Variants in OSBPL5 observed in about 807,000 individuals in gnomAD.
OSBPL5 encodes oxysterol-binding protein-related protein 5.
Under a neutral mutation model 111.2 loss-of-function variants are expected in OSBPL5, and 71 were observed. The observed-to-expected ratio is 0.64, with a 90% CI of 0.53 to 0.78. The LOEUF (loss-of-function observed/expected upper bound fraction) is 0.78. Ranked by LOEUF, OSBPL5 falls within the 30% of genes least tolerant of loss-of-function variation. The pLI is 0.00. For missense variants in OSBPL5, 1,210 were observed against 1,189.3 expected (o/e 1.02, Z -0.26); for synonymous variants, 549 against 513.9 (o/e 1.07, Z -0.93).
Position 3,087,352 on chromosome 11 carries a change from C to T in OSBPL5, c.*853G>A, listed in dbSNP as rs146546967. 30 of 154,934 alleles carry T rather than the reference C, an allele frequency of 1.9e-4. No homozygotes were observed. The highest frequency in any genetic ancestry group is 1.0e-3 in the South Asian group (5 of 4,934). 9.6% of individuals were successfully genotyped at this position (154,934 alleles called of 1,614,324 possible). A position where few individuals can be genotyped will look rare whatever the true frequency, so the allele number is the denominator to read the frequency against. Reference sequence around the variant, plus strand: ...CACTGACACGGGGACTGAGGCCAGACGTGAAGGCTGACTGCAGCTCGCAGC... The same window carrying T: ...CACTGACACGGGGACTGAGGCCAGATGTGAAGGCTGACTGCAGCTCGCAGC... On this transcript the variant is annotated 3_prime_UTR_variant, in exon 22 of 22. Coordinates refer to ENST00000263650, the MANE Select transcript of OSBPL5 (RefSeq NM_020896.4).
At position 3,092,479 on chromosome 11, in the gene OSBPL5, C is replaced by T. The variant is rs751727731; in HGVS notation, c.2212G>A (p.Val738Met). The T allele has an allele frequency of 7.9e-5, 125 of 1,574,400 alleles. No individual in the cohort carries two copies. Among genetic ancestry groups the T allele is most frequent in the Non-Finnish European group, 9.3e-5 (108 of 1,160,508 alleles). ...CCCAGGAAGGTGGTCTGGCGGGCCA[C>T]GGCCTCCTGCTGCAAGGTCCGCAGG... The part of the protein sequence containing the change: ...GILRTLQQEA[V>M]ARQTTFLGSP... Residue 738 changes from valine to methionine, a missense_variant, in exon 19 of 22, where the codon GTG becomes ATG. Transcript: ENST00000263650. This position sits in a 1 kb window ranked among gnomAD's most constrained non-coding sequence, Gnocchi z 5.4.
At position 3,146,250 on chromosome 11, in the gene OSBPL5, A is replaced by C. The variant is rs1361910907; in HGVS notation, c.-21-17081T>G. On this transcript the variant is annotated intron_variant, in intron 1 of 21. Coordinates refer to ENST00000263650, the MANE Select transcript of OSBPL5 (RefSeq NM_020896.4). This position sits in a 1 kb window ranked among gnomAD's most constrained non-coding sequence, Gnocchi z 7.8. ...CCTTATGAGCTGCGCCCCCACCCCC[A>C]AACCCACCTCTGGGGAAGTCTGTTC... 6.6e-6 allele frequency: 1 copy of C among 151,770 alleles called. No individual in the cohort carries two copies. Among genetic ancestry groups the C allele is most frequent in the Non-Finnish European group, 1.5e-5 (1 of 67,986 alleles). The allele number at this position is 151,770 out of a possible 1,614,324, so 9.4% of individuals were successfully genotyped here. A position where few individuals can be genotyped will look rare whatever the true frequency, so the allele number is the denominator to read the frequency against.
intron 10 of OSBPL5, 113 bp from the exon 11 acceptor site, chr11:3,103,433 G>A: frequency 5.4e-6 from 5 of 919,494 alleles, no homozygotes; most frequent in Non-Finnish European, 8.2e-6. Flanking sequence ...GCTGGAAACA[G>A]GCCACTTGGC....
rs1857090291 is a variant in OSBPL5, at chr11:3,092,347, G to GGAGGA, written c.2259+80_2259+84dup. The GGAGGA allele has an allele frequency of 6.9e-7, 1 of 1,445,808 alleles. No homozygotes were observed. Among genetic ancestry groups the GGAGGA allele is most frequent in the Non-Finnish European group, 9.2e-7 (1 of 1,091,200 alleles). 89.6% of individuals were successfully genotyped at this position (1,445,808 alleles called of 1,614,324 possible). ...GTGAGGGAAACGGAGCGAGGGGAAG[G>GGAGGA]GAGGAGTGAGGTGAGGAGCGAGGGG... On this transcript the variant is annotated intron_variant, in intron 19 of 21. Coordinates refer to ENST00000263650, the MANE Select transcript of OSBPL5 (RefSeq NM_020896.4). This position sits in a 1 kb window ranked among gnomAD's most constrained non-coding sequence, Gnocchi z 5.4.
Position 3,092,460 on chromosome 11 carries a change from A to G in OSBPL5, c.2231T>C (p.Phe744Ser), listed in dbSNP as rs1295873900. 1 of 1,579,684 alleles carries G rather than the reference A, an allele frequency of 6.3e-7. No homozygotes were observed. Among genetic ancestry groups the G allele is most frequent in the African/African-American group, 1.3e-5 (1 of 74,080 alleles). ...GTGCCTGGGCCCTGGGCTGCCCAGG[A>G]AGGTGGTCTGGCGGGCCACGGCCTC... is the stretch of plus-strand genomic sequence containing the variant. ...QQEAVARQTT[F>S]LGSPGPRHER... Residue 744 changes from phenylalanine to serine, a missense_variant, in exon 19 of 22, where the codon TTC becomes TCC. Coordinates refer to ENST00000263650, the MANE Select transcript of OSBPL5 (RefSeq NM_020896.4). The surrounding 1 kb of genome is among the most constrained non-coding windows in gnomAD (Gnocchi z 5.4).
chr11:3,110,313 G>A lies in OSBPL5; in HGVS notation c.692-2368C>T, dbSNP rs1857874056. On this transcript the variant is annotated intron_variant, in intron 7 of 21. Coordinates refer to ENST00000263650, the MANE Select transcript of OSBPL5 (RefSeq NM_020896.4). The surrounding 1 kb of genome is among the most constrained non-coding windows in gnomAD (Gnocchi z 5.3). ...ACCCAGAGCAGCCACTGGAGGGCGAGGTGGGGTAGGGCCCCAACCTCAGGT... is the reference window on the plus strand; with the variant it reads ...ACCCAGAGCAGCCACTGGAGGGCGAAGTGGGGTAGGGCCCCAACCTCAGGT... 6.6e-6 allele frequency among the ~76,000 whole-genome samples: 1 copy of A among 152,228 alleles called. No individual in the cohort carries two copies. Among genetic ancestry groups the A allele is most frequent in the South Asian group, 2.1e-4 (1 of 4,834 alleles).
intron 14 of OSBPL5, among the ~76,000 whole-genome samples, chr11:3,095,643 T>C (rs1294688764): frequency 6.6e-6 from 1 of 152,152 alleles, no homozygotes; most frequent in Non-Finnish European, 1.5e-5. Context: ...TACGTGGCAA[T>C]AATGACCTTC....
At position 3,142,081 on chromosome 11, in the gene OSBPL5, A is replaced by AT; in HGVS notation, c.-21-12913dup. On this transcript the variant is annotated intron_variant, in intron 1 of 21. Coordinates refer to ENST00000263650, the MANE Select transcript of OSBPL5 (RefSeq NM_020896.4). This position sits in a 1 kb window ranked among gnomAD's most constrained non-coding sequence, Gnocchi z 7.1. ...GCACCTGCCACGATGACCGGCTAAA[A>AT]TTTTTTTGTATTTTTTCAGTAGAGA... Among the ~76,000 whole-genome samples the AT allele has an allele frequency of 6.6e-6, 1 of 152,122 alleles. No individual in the cohort carries two copies. The highest frequency in any genetic ancestry group is 1.5e-5 in the Non-Finnish European group (1 of 67,984).
Position 3,107,318 on chromosome 11 carries a change from GC to G in OSBPL5, c.1003del (p.Ala335ProfsTer36). 1 of 1,613,818 alleles carries G rather than the reference GC, an allele frequency of 6.2e-7. No individual in the cohort carries two copies. The highest frequency in any genetic ancestry group is 8.5e-7 in the Non-Finnish European group (1 of 1,179,956). ...SGSDQSETPG[A>X]PVRRGTTYVE... is the part of the protein sequence containing the mutation. ...ATAGGTGGTCCCTCTCCGCACCGGGGCCCCAGGGGTCTCTGACTGGTCGCTG... is the reference window on the plus strand; with the variant it reads ...ATAGGTGGTCCCTCTCCGCACCGGGGCCCAGGGGTCTCTGACTGGTCGCTG... On this transcript the variant is annotated frameshift_variant, in exon 9 of 22. Coordinates refer to ENST00000263650, the MANE Select transcript of OSBPL5 (RefSeq NM_020896.4). LOFTEE classifies it high-confidence loss of function. This position sits in a 1 kb window ranked among gnomAD's most constrained non-coding sequence, Gnocchi z 6.1.
intron 19 of OSBPL5, among the ~76,000 whole-genome samples, chr11:3,091,016 A>T (rs1342419630): frequency 6.6e-6 from 1 of 152,084 alleles, no homozygotes; most frequent in Non-Finnish European, 1.5e-5. Flanking sequence ...TGCAGAGATG[A>T]TGGCATGGGG....
In OSBPL5 at chr11:3,093,606, G is replaced by A. The variant is rs772048119; in HGVS notation, c.1867C>T (p.Pro623Ser). 3.1e-6 allele frequency: 5 copies of A among 1,612,922 alleles called. No homozygotes were observed. The Admixed American group carries it at 6.7e-5, about 21-fold the overall frequency. ...GSGSSALFWT[P>S]SGEVRRQRLR... ...CTCTGTCTGCGGACCTCCCCGCTCG[G>A]GGTCCAGAAAAGCGCACTGCTTCCG... Residue 623 changes from proline to serine, a missense_variant, in exon 17 of 22, where the codon CCG (proline) becomes TCG (serine). Pro to Ser is a moderately conservative substitution (Grantham distance 74). Coordinates refer to ENST00000263650, the MANE Select transcript of OSBPL5 (RefSeq NM_020896.4).
chr11:3,133,775 A>G (rs1001814853), intron 1 of OSBPL5, among the ~76,000 whole-genome samples: 8 of 152,128 alleles, frequency 5.3e-5, no homozygotes, highest in African/African-American at 1.4e-4. Flanking sequence ...GGGGCTTGGG[A>G]GGAAGGAGCC....
At chr11:3,111,706 G>A (rs1393716847) in intron 7 of OSBPL5, among the ~76,000 whole-genome samples, 1 of 151,512 alleles carries the variant, frequency 6.6e-6, no homozygotes, top group Admixed American at 6.6e-5. Context: ...TGGCGTGATG[G>A]GGGGAGAAAA....
intron 1 of OSBPL5, among the ~76,000 whole-genome samples, chr11:3,153,318 T>A (rs1279421076): frequency 1.3e-5 from 2 of 152,370 alleles, no homozygotes; most frequent in East Asian, 3.9e-4. Flanking sequence ...GCTGTTATAA[T>A]GACACAAGTC....
At chr11:3,122,833 G>A (rs927399941) in intron 3 of OSBPL5, among the ~76,000 whole-genome samples, 1 of 152,206 alleles carries the variant, frequency 6.6e-6, no homozygotes, top group Non-Finnish European at 1.5e-5. Context: ...AGCAGTCAGG[G>A]TGCCAGAGGG....
Position 3,093,057 on chromosome 11 carries a change from G to A in OSBPL5, c.1947-5C>T, listed in dbSNP as rs201397088. 2.2e-3 allele frequency: 3,416 copies of A among 1,564,612 alleles called. 22 individuals carry two copies. The highest frequency in any genetic ancestry group is 0.015 in the Middle Eastern group (66 of 4,440). ...CTGGTGACGTGCTGCCAGAGCCTGCGGGCCAGTGACCCATCCTGAGCCAGT... is the reference window on the plus strand; with the variant it reads ...CTGGTGACGTGCTGCCAGAGCCTGCAGGCCAGTGACCCATCCTGAGCCAGT... On this transcript the variant is annotated splice_polypyrimidine_tract_variant and splice_region_variant and intron_variant, in intron 17 of 21. Transcript: ENST00000263650.
rs1590681490 is a variant in OSBPL5, at chr11:3,121,715, A to C, written c.402+282T>G. 2.2e-6 allele frequency: 1 copy of C among 463,146 alleles called. No homozygotes were observed. The highest frequency in any genetic ancestry group is 4.0e-5 in the East Asian group (1 of 24,948). The allele number at this position is 463,146 out of a possible 1,614,324, so 28.7% of individuals were successfully genotyped here. The stretch of plus-strand genomic sequence containing the variant: ...GCCCTCCGCCCACTGGCCAGGCCCC[A>C]CCTTATTCGGAAATGGGGTCTTTGC... On this transcript the variant is annotated intron_variant, in intron 5 of 21. Transcript: ENST00000263650. The surrounding 1 kb of genome is among the most constrained non-coding windows in gnomAD (Gnocchi z 4.3).
intron 1 of OSBPL5, among the ~76,000 whole-genome samples, chr11:3,153,154 T>C (rs1446989514): frequency 6.6e-6 from 1 of 152,054 alleles, no homozygotes; most frequent in African/African-American, 2.4e-5. Context: ...TGGGTGACTC[T>C]GGGCAGGTTT....
chr11:3,139,077 C>A (rs963747720), intron 1 of OSBPL5, among the ~76,000 whole-genome samples: 1 of 152,156 alleles, frequency 6.6e-6, no homozygotes, highest in Non-Finnish European at 1.5e-5. Context: ...TCCTGGGGTG[C>A]GAGCAGGCCC....
Sources: gnomAD v4.1 joint callset for allele counts (sites outside exome capture counted in the v4.1 genomes callset) on GRCh38, gnomAD v4.1.1 for gene constraint, Gnocchi (gnomAD v3.1) non-coding constraint, MANE v1.5 for transcripts, NCBI Gene and HGNC (gene_info 2026-07-23, HGNC 2026-07-21) for gene names.